Variants in OGFOD3 observed in about 807,000 individuals in gnomAD.
OGFOD3 encodes 2-oxoglutarate and iron-dependent oxygenase domain-containing protein 3.
In OGFOD3, 35 loss-of-function variants were observed where a neutral mutation model predicts 39.8. That is an observed-to-expected ratio of 0.88 (90% CI 0.67 to 1.17). The LOEUF is 1.17. OGFOD3 is among the 50% of genes most tolerant of loss of function. The probability of loss-of-function intolerance (pLI) is 0.00; values close to 1 mark genes in which losing one functional copy is unlikely to be tolerated. For missense variants in OGFOD3, 438 were observed against 454.5 expected (o/e 0.96, Z 0.33); for synonymous variants, 200 against 192.0 (o/e 1.04, Z -0.34).
chr17:82,414,558 A>G (rs1212037032), intron 2 of OGFOD3, among the ~76,000 whole-genome samples: 3 of 152,252 alleles, frequency 2.0e-5, no homozygotes, highest in Non-Finnish European at 4.4e-5. Flanking sequence ...TCTGCTAAGA[A>G]AGAGAGAGCA....
In OGFOD3 at chr17:82,392,769, A is replaced by T; in HGVS notation, c.824-235T>A. On this transcript the variant is annotated intron_variant, in intron 8 of 8. Transcript: ENST00000313056. The surrounding 1 kb of genome is among the most constrained non-coding windows in gnomAD (Gnocchi z 4.2). ...GAGGGGCCCCCCGGGGCCAGCAGGGACTCTGTGGTGGGCAGGACAGAGGAA... is the reference window on the plus strand; with the variant it reads ...GAGGGGCCCCCCGGGGCCAGCAGGGTCTCTGTGGTGGGCAGGACAGAGGAA... 1 of 568,682 alleles carries T rather than the reference A, an allele frequency of 1.8e-6. No individual in the cohort carries two copies. Among genetic ancestry groups the T allele is most frequent in the Non-Finnish European group, 3.1e-6 (1 of 322,192 alleles). The allele number at this position is 568,682 out of a possible 1,614,324, so 35.2% of individuals were successfully genotyped here.
chr17:82,416,452 T>C (rs2053038794), intron 1 of OGFOD3, among the ~76,000 whole-genome samples: 1 of 151,842 alleles, frequency 6.6e-6, no homozygotes, highest in African/African-American at 2.4e-5. Context: ...GTTTCCAGGG[T>C]GGGGCGGAGG....
chr17:82,396,020 TG>T (rs2052667563), intron 8 of OGFOD3, among the ~76,000 whole-genome samples: 1 of 150,820 alleles, frequency 6.6e-6, no homozygotes, highest in Non-Finnish European at 1.5e-5. Context: ...CACAATTAGA[TG>T]TATGACATCA....
chr17:82,397,327 G>T (rs1305105914), intron 8 of OGFOD3, among the ~76,000 whole-genome samples: 3 of 147,780 alleles, frequency 2.0e-5, no homozygotes, highest in African/African-American at 2.5e-5. Flanking sequence ...AGGCAGCAGG[G>T]GGTGAGGGCA....
At chr17:82,416,595 A>G (rs2053044650) in intron 1 of OGFOD3, among the ~76,000 whole-genome samples, 2 of 152,214 alleles carry the variant, frequency 1.3e-5, no homozygotes, top group African/African-American at 4.8e-5. Context: ...CTTTGGACAC[A>G]TGTATTTCCA....
intron 1 of OGFOD3, among the ~76,000 whole-genome samples, chr17:82,416,497 C>T (rs1381074914): frequency 6.6e-6 from 1 of 151,998 alleles, no homozygotes; most frequent in African/African-American, 2.4e-5. Flanking sequence ...TCCATCAGGG[C>T]CGCACTCCCT....
chr17:82,405,985 C>T (rs113323629), intron 5 of OGFOD3, among the ~76,000 whole-genome samples: 9,056 of 152,106 alleles, frequency 0.06, 348 homozygotes, highest in Non-Finnish European at 0.092. Flanking sequence ...AGGAGCCAGC[C>T]GGGAGCAAGA....
intron 8 of OGFOD3, among the ~76,000 whole-genome samples, chr17:82,396,317 A>C (rs1210735133): frequency 1.9e-5 from 2 of 104,696 alleles, no homozygotes; most frequent in African/African-American, 3.0e-5. Context: ...ACGACATCAA[A>C]TCACAGGTAA....
Position 82,414,008 on chromosome 17 carries a change from C to T in OGFOD3, c.304+1390G>A, listed in dbSNP as rs903289303. ...TAAAAAGTGCGCAGTGTGGTGGCAT[C>T]GGGCACAATAGCATCGTGCAGCCGT... is the stretch of plus-strand genomic sequence containing the variant. On this transcript the variant is annotated intron_variant, in intron 2 of 8. Transcript: ENST00000313056. 8.5e-5 allele frequency among the ~76,000 whole-genome samples: 13 copies of T among 152,166 alleles called. 1 individual carries two copies. Among genetic ancestry groups the T allele is most frequent in the Admixed American group, 7.9e-4 (12 of 15,268 alleles).
chr17:82,409,100 C>G (rs1599699585), intron 4 of OGFOD3, among the ~76,000 whole-genome samples: 1 of 152,368 alleles, frequency 6.6e-6, no homozygotes, highest in East Asian at 1.9e-4. Context: ...CTCTATCCCC[C>G]AGTGTGAACT....
chr17:82,417,753 CAGTCTATCCAAACCTG>C (rs1289654207), intron 1 of OGFOD3, among the ~76,000 whole-genome samples: 1 of 152,178 alleles, frequency 6.6e-6, no homozygotes, highest in Admixed American at 6.5e-5. Context: ...AGAGTTATTG[CAGTCTATCCAAACCTG>C]AGGTGTCCTC....
chr17:82,418,571 G>C lies in OGFOD3; in HGVS notation c.-86C>G. ...TAACAGGGAGCGCGAGGCAGGCACG[G>C]CGCAGGGACGCGAGTGCGACGCGCT... On this transcript the variant is annotated 5_prime_UTR_variant, in exon 1 of 9. Transcript: ENST00000313056. The C allele has an allele frequency of 1.5e-6, 1 of 653,396 alleles. No homozygotes were observed. Among genetic ancestry groups the C allele is most frequent in the East Asian group, 4.0e-5 (1 of 25,060 alleles). The allele number at this position is 653,396 out of a possible 1,614,324, so 40.5% of individuals were successfully genotyped here. A position where few individuals can be genotyped will look rare whatever the true frequency, so the allele number is the denominator to read the frequency against.
chr17:82,406,291 G>T lies in OGFOD3; in HGVS notation c.488+127C>A. On this transcript the variant is annotated intron_variant, in intron 5 of 8. Transcript: ENST00000313056. The surrounding 1 kb of genome is among the most constrained non-coding windows in gnomAD (Gnocchi z 5.2). ...CCCGGCCAACATCACAGCCACTGAG[G>T]CCCTGAGGCTGCACCGAGCCGGATC... The T allele has an allele frequency of 2.5e-6, 2 of 809,664 alleles. No individual in the cohort carries two copies. Among genetic ancestry groups the T allele is most frequent in the Non-Finnish European group, 2.1e-6 (1 of 485,128 alleles). 50.2% of individuals were successfully genotyped at this position (809,664 alleles called of 1,614,324 possible).
At chr17:82,399,782 A>G (rs1238638995) in intron 7 of OGFOD3, among the ~76,000 whole-genome samples, 1 of 152,174 alleles carries the variant, frequency 6.6e-6, no homozygotes, top group Non-Finnish European at 1.5e-5. Context: ...TCCAGAACCC[A>G]GCTGGGGCCA....
At chr17:82,414,950 G>A (rs1417609930) in intron 2 of OGFOD3, among the ~76,000 whole-genome samples, 1 of 152,146 alleles carries the variant, frequency 6.6e-6, no homozygotes, top group Non-Finnish European at 1.5e-5. Context: ...GCTGCTCCAG[G>A]CTCTGGGCTG....
intron 8 of OGFOD3, chr17:82,394,373 A>T: frequency 6.3e-7 from 1 of 1,584,586 alleles, no homozygotes; most frequent in Non-Finnish European, 8.6e-7. Flanking sequence ...CCAAGGAATC[A>T]ACAATAAGCA....
chr17:82,415,534 G>A lies in OGFOD3; in HGVS notation c.168C>T (p.Thr56=), dbSNP rs565069643. ...CCAAGCTGCTCCAGAGCAGGAGTGC[G>A]GTGAGCACAAAGCCAGCCCCCAGGC... ...TAGLGAGFVL[T]ALLLWSSLGA... The change falls in exon 2 of 9, where the codon ACC becomes ACT. Residue 56 remains threonine, a synonymous_variant. Coordinates refer to ENST00000313056, the MANE Select transcript of OGFOD3 (RefSeq NM_024648.3). The surrounding 1 kb of genome is among the most constrained non-coding windows in gnomAD (Gnocchi z 5.3). 27 of 1,613,562 alleles carry A rather than the reference G, an allele frequency of 1.7e-5. No individual in the cohort carries two copies. The highest frequency in any genetic ancestry group is 1.6e-4 in the Middle Eastern group (1 of 6,062).
In OGFOD3 at chr17:82,404,838, T is replaced by G. The variant is rs1396933148; in HGVS notation, c.545+486A>C. On this transcript the variant is annotated intron_variant, in intron 6 of 8. Coordinates refer to ENST00000313056, the MANE Select transcript of OGFOD3 (RefSeq NM_024648.3). The surrounding 1 kb of genome is among the most constrained non-coding windows in gnomAD (Gnocchi z 4.5). ...TCACTGCAACCTCCACCTCCGGGGT[T>G]TAAGCAATTGTCCTGCCTCAGCCTC... is the stretch of plus-strand genomic sequence containing the variant. Among the ~76,000 whole-genome samples the G allele has an allele frequency of 6.6e-6, 1 of 151,670 alleles. No individual in the cohort carries two copies. The highest frequency in any genetic ancestry group is 1.5e-5 in the Non-Finnish European group (1 of 67,900).
chr17:82,416,914 A>G (rs995130486), intron 1 of OGFOD3, among the ~76,000 whole-genome samples: 1 of 152,096 alleles, frequency 6.6e-6, no homozygotes, highest in Non-Finnish European at 1.5e-5. Flanking sequence ...ACCTCAAGTA[A>G]TCTAACCGCC....
Sources: gnomAD v4.1 joint callset for allele counts (sites outside exome capture counted in the v4.1 genomes callset) on GRCh38, gnomAD v4.1.1 for gene constraint, Gnocchi (gnomAD v3.1) non-coding constraint, MANE v1.5 for transcripts, NCBI Gene and HGNC (gene_info 2026-07-23, HGNC 2026-07-21) for gene names.